Variants in PCNX1 observed in about 807,000 individuals in gnomAD.
The protein encoded by PCNX1 is pecanex-like protein 1.
Under a neutral mutation model 242.2 loss-of-function variants are expected in PCNX1, and 78 were observed. That is an observed-to-expected ratio of 0.32 (90% CI 0.27 to 0.39). PCNX1 has a LOEUF of 0.39. Ranked by LOEUF, PCNX1 falls within the 10% of genes least tolerant of loss-of-function variation. PCNX1 has a pLI of 1.00. For missense variants in PCNX1, 2,581 were observed against 2,856.5 expected (o/e 0.90, Z 2.20); for synonymous variants, 1,024 against 1,032.9 (o/e 0.99, Z 0.17).
chr14:71,038,680 T>C (rs1304876974), intron 19 of PCNX1, among the ~76,000 whole-genome samples: 1 of 151,810 alleles, frequency 6.6e-6, no homozygotes, highest in Non-Finnish European at 1.5e-5. Context: ...CTCAGGGATC[T>C]AGAACTAGAA....
intron 1 of PCNX1, among the ~76,000 whole-genome samples, chr14:70,938,611 C>T (rs2057106125): frequency 6.6e-6 from 1 of 152,148 alleles, no homozygotes; most frequent in Non-Finnish European, 1.5e-5. Flanking sequence ...GTGTCTCTGT[C>T]CGACTTTGGT....
chr14:70,910,712 TTCTTA>T (rs527377516), intron 1 of PCNX1, among the ~76,000 whole-genome samples: 22 of 149,790 alleles, frequency 1.5e-4, no homozygotes, highest in Non-Finnish European at 2.5e-4. Context: ...TTTTATGTCT[TTCTTA>T]TCTTATTAGA....
intron 3 of PCNX1, among the ~76,000 whole-genome samples, chr14:70,964,016 GTTGT>G (rs869259499): frequency 1.3e-5 from 2 of 152,110 alleles, no homozygotes; most frequent in Non-Finnish European, 2.9e-5. Flanking sequence ...TTTTGTTGTT[GTTGT>G]TTGTTTGTTT....
At chr14:70,965,026 G>A (rs1285532509) in intron 3 of PCNX1, among the ~76,000 whole-genome samples, 1 of 152,128 alleles carries the variant, frequency 6.6e-6, no homozygotes, top group Admixed American at 6.5e-5. Flanking sequence ...TATATAATGT[G>A]TAAGATACTG....
At chr14:70,944,575 T>C (rs1221591008) in intron 1 of PCNX1, among the ~76,000 whole-genome samples, 1 of 152,166 alleles carries the variant, frequency 6.6e-6, no homozygotes, top group East Asian at 1.9e-4. Context: ...GCTTGGACTT[T>C]TGAGTTAATG....
chr14:71,034,029 A>G lies in PCNX1; in HGVS notation c.3767A>G (p.Asn1256Ser), dbSNP rs2140953757. Residue 1256 changes from asparagine (N) to serine (S), a missense_variant, in exon 18 of 36, where the codon AAT becomes AGT. Around this residue, in one of 9 missense-constraint regions of PCNX1, gnomAD observed 432 missense variants for 443.1 expected, o/e 0.97. Coordinates refer to ENST00000304743, the MANE Select transcript of PCNX1 (RefSeq NM_014982.3). ...GATCCACTGCCTGAAAAACTTAGAAATTCTGTTGTAAGTTTTAACATTTAG... is the reference window on the plus strand; with the variant it reads ...GATCCACTGCCTGAAAAACTTAGAAGTTCTGTTGTAAGTTTTAACATTTAG... ...VKDPLPEKLR[N>S]SVSERLQSDL... 6.4e-7 allele frequency: 1 copy of G among 1,552,160 alleles called. No homozygotes were observed. The highest frequency in any genetic ancestry group is 1.1e-5 in the South Asian group (1 of 88,754).
At chr14:71,049,999 A>T (rs1327322328) in intron 22 of PCNX1, among the ~76,000 whole-genome samples, 2 of 152,222 alleles carry the variant, frequency 1.3e-5, no homozygotes, top group African/African-American at 2.4e-5. Context: ...CTAAATTTCT[A>T]TGGAAACAGG....
chr14:70,990,709 C>G (rs994502388), intron 7 of PCNX1, among the ~76,000 whole-genome samples: 1 of 152,092 alleles, frequency 6.6e-6, no homozygotes, highest in Non-Finnish European at 1.5e-5. Flanking sequence ...AACAGAAACA[C>G]TTGTTCTAGA....
Position 70,978,250 on chromosome 14 carries a change from G to T in PCNX1, c.1913G>T (p.Gly638Val). ...TTSHSCQSPE[G>V]RYSALKTKHT... ...TCTCATTCCTGTCAGTCTCCTGAGG[G>T]CAGATACAGTGCTCTAAAGACCAAA... Residue 638 changes from glycine to valine, a missense_variant, in exon 6 of 36, where the codon GGC becomes GTC. By Grantham distance (109) the Gly-to-Val change is moderately radical. This residue lies in a region of PCNX1 where 1,204 missense variants were observed against 1,216.7 expected (regional missense o/e 0.99). Transcript: ENST00000304743. The T allele has an allele frequency of 1.2e-6, 2 of 1,614,072 alleles. No homozygotes were observed. Among genetic ancestry groups the T allele is most frequent in the Non-Finnish European group, 1.7e-6 (2 of 1,180,012 alleles).
At chr14:70,960,647 G>A (rs1391003711) in intron 2 of PCNX1, among the ~76,000 whole-genome samples, 1 of 151,946 alleles carries the variant, frequency 6.6e-6, no homozygotes, top group Non-Finnish European at 1.5e-5. Flanking sequence ...TCAACATAGT[G>A]TTGGAAGTTT....
At chr14:70,974,181 T>C (rs2058623503) in intron 5 of PCNX1, among the ~76,000 whole-genome samples, 1 of 151,768 alleles carries the variant, frequency 6.6e-6, no homozygotes, top group Non-Finnish European at 1.5e-5. Flanking sequence ...TATAAAAATA[T>C]ACGCCCATAT....
chr14:70,969,671 T>C (rs1434297631), intron 5 of PCNX1, among the ~76,000 whole-genome samples: 4 of 152,110 alleles, frequency 2.6e-5, no homozygotes, highest in Non-Finnish European at 5.9e-5. Context: ...TATATCCCAT[T>C]CCTAAAACTG....
intron 8 of PCNX1, among the ~76,000 whole-genome samples, chr14:70,997,714 A>G (rs2059393049): frequency 6.6e-6 from 1 of 152,178 alleles, no homozygotes; most frequent in Non-Finnish European, 1.5e-5. Flanking sequence ...CAAAACAATC[A>G]ATGGAGTGTA....
intron 24 of PCNX1, among the ~76,000 whole-genome samples, chr14:71,054,105 C>G (rs1428170795): frequency 6.6e-6 from 1 of 152,160 alleles, no homozygotes; most frequent in Non-Finnish European, 1.5e-5. Flanking sequence ...ATTCTAATAG[C>G]CTTTTAAGAC....
intron 6 of PCNX1, among the ~76,000 whole-genome samples, chr14:70,988,094 C>T (rs2059052653): frequency 6.6e-6 from 1 of 152,144 alleles, no homozygotes; most frequent in African/African-American, 2.4e-5. Flanking sequence ...AAACTTACTG[C>T]CTTACTCCTT....
At chr14:70,951,805 T>C (rs2057792114) in intron 2 of PCNX1, among the ~76,000 whole-genome samples, 1 of 152,208 alleles carries the variant, frequency 6.6e-6, no homozygotes, top group Non-Finnish European at 1.5e-5. Flanking sequence ...AAACTCAACT[T>C]TTAAAATAGG....
chr14:71,081,777 A>G (rs2061860504), intron 28 of PCNX1, among the ~76,000 whole-genome samples: 1 of 152,032 alleles, frequency 6.6e-6, no homozygotes, highest in Non-Finnish European at 1.5e-5. Flanking sequence ...TAATCTAACT[A>G]GCAGTCTATT....
intron 33 of PCNX1, among the ~76,000 whole-genome samples, chr14:71,106,200 G>A (rs2062615636): frequency 1.3e-5 from 2 of 151,158 alleles, no homozygotes; most frequent in South Asian, 4.2e-4. Context: ...TGTATTTTTC[G>A]TAGAGACGAG....
chr14:70,967,431 C>CT (rs141047718), intron 3 of PCNX1, among the ~76,000 whole-genome samples: 1,699 of 152,172 alleles, frequency 0.011, 14 homozygotes, highest in South Asian at 0.017. Context: ...GATTTAGTAA[C>CT]TGTTATGTTA....
Sources: allele counts gnomAD v4.1 joint callset (sites outside exome capture counted in the v4.1 genomes callset), GRCh38; gene constraint gnomAD v4.1.1; regional missense constraint gnomAD v4.1.1; transcripts MANE v1.5; gene names NCBI Gene and HGNC (gene_info 2026-07-23, HGNC 2026-07-21).